ZFYVE9: variants seen among roughly 807,000 people sequenced by gnomAD.
The protein encoded by ZFYVE9 is zinc finger FYVE domain-containing protein 9.
A neutral mutation model predicts 126.7 loss-of-function variants in ZFYVE9; 43 were observed. That is an observed-to-expected ratio of 0.34 (90% CI 0.27 to 0.44). The LOEUF (loss-of-function observed/expected upper bound fraction) is 0.44. Among genes scored for constraint, ZFYVE9 ranks in the 20% least tolerant of loss-of-function variants. ZFYVE9 has a pLI of 1.00. For synonymous variants in ZFYVE9, 521 were observed against 597.4 expected (o/e 0.87, Z 1.87); for missense variants, 1,476 against 1,697.0 (o/e 0.87, Z 2.29).
At chr1:52,180,428 G>C (rs1644687247) in intron 1 of ZFYVE9, 3 of 1,426,208 alleles carry the variant, frequency 2.1e-6, no homozygotes, top group South Asian at 1.1e-5. Context: ...AGTGAAAACT[G>C]TCTGAATCTG....
chr1:52,332,891 A>G lies in ZFYVE9; in HGVS notation c.3562A>G (p.Ile1188Val), dbSNP rs1646355298. Residue 1188 changes from isoleucine to valine, a missense_variant, in exon 14 of 19, where the codon ATC becomes GTC. Ile to Val is a conservative substitution (Grantham distance 29, BLOSUM62 3). Around this residue, in one of 2 missense-constraint regions of ZFYVE9, gnomAD observed 669 missense variants for 902.4 expected, o/e 0.74. Transcript: ENST00000287727. ...NDDGNYQTQA[I>V]SIHNQPRKVT... ...TGATGGAAACTATCAGACCCAGGCT[A>G]TCAGTATTCACAATCAGCCCAGAAA... The G allele has an allele frequency of 1.2e-6, 2 of 1,614,164 alleles. No homozygotes were observed. Among genetic ancestry groups the G allele is most frequent in the Middle Eastern group, 1.6e-4 (1 of 6,062 alleles).
intron 1 of ZFYVE9, among the ~76,000 whole-genome samples, chr1:52,143,304 A>G (rs1644278429): frequency 6.6e-6 from 1 of 152,214 alleles, no homozygotes; most frequent in South Asian, 2.1e-4. Context: ...TTTAGAAATA[A>G]AATGATTTGT....
chr1:52,185,615 T>G (rs1644757562), intron 1 of ZFYVE9, among the ~76,000 whole-genome samples: 1 of 152,062 alleles, frequency 6.6e-6, no homozygotes, highest in South Asian at 2.1e-4. Context: ...AAAATAAAAT[T>G]GGTTAGATGC....
chr1:52,161,770 C>T (rs1644462202), intron 1 of ZFYVE9, among the ~76,000 whole-genome samples: 1 of 152,050 alleles, frequency 6.6e-6, no homozygotes, highest in South Asian at 2.1e-4. Context: ...CCATGCCACC[C>T]CAAACATGAC....
chr1:52,236,650 T>G (rs944006780), intron 3 of ZFYVE9, among the ~76,000 whole-genome samples: 1 of 152,202 alleles, frequency 6.6e-6, no homozygotes, highest in African/African-American at 2.4e-5. Context: ...TTATGCTTAT[T>G]GGTAGACTAT....
intron 1 of ZFYVE9, among the ~76,000 whole-genome samples, chr1:52,190,680 T>C (rs1644808203): frequency 6.6e-6 from 1 of 152,176 alleles, no homozygotes; most frequent in Non-Finnish European, 1.5e-5. Context: ...ATTATAAGGG[T>C]CTGTGTGTAT....
intron 13 of ZFYVE9, among the ~76,000 whole-genome samples, chr1:52,317,615 TAGA>T (rs1365530026): frequency 1.3e-5 from 2 of 151,890 alleles, no homozygotes; most frequent in Admixed American, 6.6e-5. Context: ...ATCCATAAAA[TAGA>T]AGACAAAAAC....
In ZFYVE9 at chr1:52,327,979, GA is replaced by G. The variant is rs1196600729; in HGVS notation, c.3439-4776del. 5.4e-3 allele frequency among the ~76,000 whole-genome samples: 697 copies of G among 127,952 alleles called. 1 individual carries two copies. The highest frequency in any genetic ancestry group is 0.014 in the African/African-American group (509 of 35,490). The allele number at this position is 127,952 out of a possible 152,430, so 83.9% of individuals were successfully genotyped here. On this transcript the variant is annotated intron_variant, in intron 13 of 18. Coordinates refer to ENST00000287727, the MANE Select transcript of ZFYVE9 (RefSeq NM_004799.4). ...ACAGAGCAAGACTCTGTCTCAAAAA[GA>G]AAAAAAAAAAAACCCAAAAAGAAAA...
chr1:52,325,878 C>T (rs1646287075), intron 13 of ZFYVE9, among the ~76,000 whole-genome samples: 2 of 152,210 alleles, frequency 1.3e-5, no homozygotes, highest in Non-Finnish European at 2.9e-5. Context: ...ATTGGAAGTA[C>T]ATGATGTGTT....
At chr1:52,264,362 A>G (rs1437119354) in intron 5 of ZFYVE9, among the ~76,000 whole-genome samples, 1 of 152,188 alleles carries the variant, frequency 6.6e-6, no homozygotes, top group Non-Finnish European at 1.5e-5. Context: ...AGAAAATTGC[A>G]TTTTTAAAGC....
intron 4 of ZFYVE9, among the ~76,000 whole-genome samples, chr1:52,259,732 G>A (rs1408613651): frequency 6.6e-6 from 1 of 152,094 alleles, no homozygotes; most frequent in Non-Finnish European, 1.5e-5. Flanking sequence ...GGGAGGAAGA[G>A]GTTGCAGTGA....
intron 7 of ZFYVE9, among the ~76,000 whole-genome samples, chr1:52,270,543 C>T (rs543966392): frequency 5.3e-5 from 8 of 152,228 alleles, no homozygotes; most frequent in South Asian, 4.1e-4. Context: ...GGATTACAGG[C>T]GTAAGCCACC....
chr1:52,197,320 T>A, intron 1 of ZFYVE9, among the ~76,000 whole-genome samples: 1 of 152,164 alleles, frequency 6.6e-6, no homozygotes, highest in South Asian at 2.1e-4. Context: ...AAACATTGAT[T>A]AGTATGAAAA....
At chr1:52,196,076 G>A (rs973952039) in intron 1 of ZFYVE9, among the ~76,000 whole-genome samples, 2 of 152,118 alleles carry the variant, frequency 1.3e-5, no homozygotes, top group Non-Finnish European at 2.9e-5. Flanking sequence ...ACAGGCGTGA[G>A]CCACCGTGCC....
intron 1 of ZFYVE9, among the ~76,000 whole-genome samples, chr1:52,207,997 A>G (rs1644993356): frequency 6.6e-6 from 1 of 152,346 alleles, no homozygotes; most frequent in East Asian, 1.9e-4. Flanking sequence ...CAGAGAGGTT[A>G]TCTTGCTCAA....
chr1:52,325,671 CTACT>C (rs749837541), intron 13 of ZFYVE9, among the ~76,000 whole-genome samples: 7 of 152,200 alleles, frequency 4.6e-5, no homozygotes, highest in Non-Finnish European at 8.8e-5. Context: ...AAATCTATTC[CTACT>C]TATTCGGTTT....
chr1:52,280,666 G>A (rs940505484), intron 9 of ZFYVE9, among the ~76,000 whole-genome samples: 2 of 152,070 alleles, frequency 1.3e-5, no homozygotes, highest in African/African-American at 4.8e-5. Flanking sequence ...TCTCCATATA[G>A]CCTTAAAGTG....
At chr1:52,204,305 A>G (rs1248379971) in intron 1 of ZFYVE9, among the ~76,000 whole-genome samples, 1 of 152,118 alleles carries the variant, frequency 6.6e-6, no homozygotes, top group East Asian at 1.9e-4. Context: ...CCCTGTTTAG[A>G]GGGGACAGGA....
At chr1:52,282,823 T>C (rs910433513) in intron 10 of ZFYVE9, among the ~76,000 whole-genome samples, 16 of 152,202 alleles carry the variant, frequency 1.1e-4, no homozygotes, top group Admixed American at 3.9e-4. Context: ...GAGGATCTTT[T>C]TGAGAACTTT....
Sources: gnomAD v4.1 joint callset for allele counts (sites outside exome capture counted in the v4.1 genomes callset) on GRCh38, gnomAD v4.1.1 for gene constraint, gnomAD v4.1.1 regional missense constraint, MANE v1.5 for transcripts, NCBI Gene and HGNC (gene_info 2026-07-23, HGNC 2026-07-21) for gene names.